The following BTNL9 variants were observed in gnomAD, a reference collection of about 807,000 sequenced individuals.
BTNL9 encodes butyrophilin like 9, also known as butyrophilin-like protein 9.
BTNL9 carries 45 observed loss-of-function variants against 45.8 expected under a neutral mutation model. The observed-to-expected ratio is 0.98, with a 90% CI of 0.77 to 1.26. BTNL9 has a LOEUF of 1.26. Among genes scored for constraint, BTNL9 ranks in the 50% most tolerant of loss-of-function variants. BTNL9 has a pLI of 0.00. For synonymous variants in BTNL9, 346 were observed against 330.8 expected, an observed-to-expected ratio of 1.05 and a Z score of -0.50; for missense variants, 784 against 729.7, an observed-to-expected ratio of 1.07 and a Z score of -0.86.
rs1351157414 is a variant in BTNL9 at position 181,059,463 on chromosome 5, C to G, written c.1209C>G (p.Ala403=). 4 of 1,442,386 alleles carry G rather than the reference C, an allele frequency of 2.8e-6. No individual in the cohort carries two copies. The highest frequency in any genetic ancestry group is 3.0e-5 in the African/African-American group (2 of 66,590). 89.3% of individuals were successfully genotyped at this position (1,442,386 alleles called of 1,614,324 possible). Residue 403 remains alanine (A), a synonymous_variant, in exon 11 of 11, where the codon GCC becomes GCG. Transcript: ENST00000327705. ...GCTGGTTCCTGGGCGCCTGCCTGGC[C>G]GCGGTGCCGCGCGCGGGGCCTGCGC... ...RSRWFLGACL[A]AVPRAGPARL... is the part of the protein sequence containing the mutation.
chr5:181,057,319 T>G (rs1761936070), intron 9 of BTNL9: 1 of 152,222 alleles, frequency 6.6e-6, no homozygotes, highest in South Asian at 2.1e-4. Flanking sequence ...ATTTGCATCT[T>G]TAATCCCTCT....
At chr5:181,044,297 G>A (rs1760968384) in intron 1 of BTNL9, among the ~76,000 whole-genome samples, 1 of 152,106 alleles carries the variant, frequency 6.6e-6, no homozygotes, top group Non-Finnish European at 1.5e-5. Context: ...AGTGCCCTGT[G>A]GCCACAGGAC....
Position 181,053,830 on chromosome 5 carries a change from A to G in BTNL9, c.886+329A>G. The G allele has an allele frequency of 1.3e-6, 2 of 1,513,506 alleles. No individual in the cohort carries two copies. The highest frequency in any genetic ancestry group is 8.8e-7 in the Non-Finnish European group (1 of 1,132,678). 93.8% of individuals were successfully genotyped at this position (1,513,506 alleles called of 1,614,324 possible). On this transcript the variant is annotated intron_variant, in intron 6 of 10. Transcript: ENST00000327705. The surrounding 1 kb of genome is among the most constrained non-coding windows in gnomAD (Gnocchi z 6.5). Reference sequence around the variant, plus strand: ...CTCTGCTGCCAGCGCCACCTCGTCCAGGTTTTCATAGCGCACAGGGAGTCG... The same window carrying G: ...CTCTGCTGCCAGCGCCACCTCGTCCGGGTTTTCATAGCGCACAGGGAGTCG...
rs758370894 is a variant in BTNL9 at position 181,053,531 on chromosome 5, C to T, written c.886+30C>T. 1.5e-5 allele frequency: 24 copies of T among 1,562,914 alleles called. 1 individual carries two copies. In the Admixed American group the frequency reaches 3.8e-4, roughly 25 times the overall value. On this transcript the variant is annotated intron_variant, in intron 6 of 10. Transcript: ENST00000327705. This position sits in a 1 kb window ranked among gnomAD's most constrained non-coding sequence, Gnocchi z 6.5. ...GCGGGGACAGGGCGTTCTGCACGCA[C>T]CTGCCCAAGTGCCAAAACCCGCCGT...
At chr5:181,059,051 C>T in intron 10 of BTNL9, 186 bp from the exon 11 acceptor site, 4 of 568,770 alleles carry the variant, frequency 7.0e-6, no homozygotes, top group Non-Finnish European at 8.9e-6. Flanking sequence ...CTATCAAACA[C>T]TCAGGAGTGA....
intron 2 of BTNL9, among the ~76,000 whole-genome samples, chr5:181,046,450 A>G (rs920747915): frequency 1.3e-5 from 2 of 152,194 alleles, no homozygotes; most frequent in African/African-American, 2.4e-5. Context: ...CCATTGATAT[A>G]CGTTTTTAAT....
In BTNL9 at chr5:181,056,236, G is replaced by A. The variant is rs760153548; in HGVS notation, c.955+221G>A. Among the ~76,000 whole-genome samples, 18 of 152,092 alleles carry A rather than the reference G, an allele frequency of 1.2e-4. No homozygotes were observed. In the East Asian group the frequency reaches 1.5e-3, roughly 13 times the overall value. On this transcript the variant is annotated intron_variant, in intron 9 of 10. Coordinates refer to ENST00000327705, the MANE Select transcript of BTNL9 (RefSeq NM_152547.5). ...CCTGGTTACATATCAGAGTTACCTC[G>A]ACTCCTGGTGCCCATCCTCCAAGAC...
In BTNL9 at chr5:181,053,251, T is replaced by G. The variant is rs778059508; in HGVS notation, c.788T>G (p.Leu263Arg). The change falls in exon 5 of 11, where the codon CTG (leucine) becomes CGG (arginine). Residue 263 changes from leucine (L) to arginine (R), a missense_variant. Leu to Arg is a moderately radical substitution (Grantham distance 102). Coordinates refer to ENST00000327705, the MANE Select transcript of BTNL9 (RefSeq NM_152547.5). This position sits in a 1 kb window ranked among gnomAD's most constrained non-coding sequence, Gnocchi z 6.5. ...SAWKSAFVAT[L>R]PLLLVLAALA... ...TGGAAGAGCGCGTTCGTCGCGACCC[T>G]GCCGCTGCTGTTGGTCCTCGCGGCG... The G allele has an allele frequency of 3.1e-6, 5 of 1,589,452 alleles. No individual in the cohort carries two copies. In the Admixed American group the frequency reaches 6.9e-5, roughly 22 times the overall value.
At position 181,059,522 on chromosome 5, in the gene BTNL9, G is replaced by A. The variant is rs1561989871; in HGVS notation, c.1268G>A (p.Gly423Glu). Residue 423 changes from glycine (G) to glutamate (E), a missense_variant, in exon 11 of 11, where the codon GGG (glycine) becomes GAG (glutamate). Physicochemically the swap from Gly to Glu is moderately conservative, Grantham distance 98 (BLOSUM62 -2). Transcript: ENST00000327705. ...LSPAAGYWVL[G>E]LWNGCEYFVL... The stretch of plus-strand genomic sequence containing the variant: ...CCTGCGGCCGGCTACTGGGTGCTGG[G>A]GCTGTGGAACGGCTGCGAGTACTTC... The A allele has an allele frequency of 6.2e-7, 1 of 1,604,624 alleles. No individual in the cohort carries two copies. The highest frequency in any genetic ancestry group is 1.1e-5 in the South Asian group (1 of 90,496).
At position 181,047,915 on chromosome 5, in the gene BTNL9, T is replaced by G. The variant is rs370160332; in HGVS notation, c.110-12T>G. On this transcript the variant is annotated splice_polypyrimidine_tract_variant and intron_variant, in intron 2 of 10. Transcript: ENST00000327705. ...GAGGGTTGCTTTTGCCTGTTCTGAC[T>G]TGTCATCCTAGAGGTCAAGGTGCTA... 2.5e-6 allele frequency: 4 copies of G among 1,606,758 alleles called. No homozygotes were observed. In the African/African-American group the frequency reaches 5.4e-5, roughly 22 times the overall value.
Position 181,059,657 on chromosome 5 carries a change from G to A in BTNL9, c.1403G>A (p.Gly468Asp), listed in dbSNP as rs775460934. ...GELSFFNVSD[G>D]SHIFTFHDTF... The stretch of plus-strand genomic sequence containing the variant: ...CTGTCCTTCTTCAACGTGTCCGACG[G>A]CTCCCACATCTTCACCTTCCACGAC... Residue 468 changes from glycine (G) to aspartate (D), a missense_variant, in exon 11 of 11, where the codon GGC becomes GAC. Transcript: ENST00000327705. The A allele has an allele frequency of 6.2e-7, 1 of 1,613,640 alleles. No individual in the cohort carries two copies. The highest frequency in any genetic ancestry group is 1.1e-5 in the South Asian group (1 of 91,080).
At chr5:181,052,640 G>C (rs1327020443) in intron 4 of BTNL9, 1 of 152,250 alleles carries the variant, frequency 6.6e-6, no homozygotes, top group Non-Finnish European at 1.5e-5. Flanking sequence ...CGCCGCTGGT[G>C]CTGTCGGCGC....
rs1239815586 is a variant in BTNL9 at position 181,053,020 on chromosome 5, C to CGCCCCCGCCCCCTCCGCG, written c.737-178_737-177insCCCCGCCCCCTCCGCGGC. 8.5e-5 allele frequency: 13 copies of CGCCCCCGCCCCCTCCGCG among 152,712 alleles called. No individual in the cohort carries two copies. The highest frequency in any genetic ancestry group is 7.2e-4 in the South Asian group (3 of 4,150). The allele number at this position is 152,712 out of a possible 1,614,324, so 9.5% of individuals were successfully genotyped here. ...CGGCGCGCCCCCGCCCCCTCCGCCGCGCGCGCCCCCGCCCCCTCCGCCGCG... is the reference window on the plus strand; with the variant it reads ...CGGCGCGCCCCCGCCCCCTCCGCCGCGCCCCCGCCCCCTCCGCGGCGCGCCCCCGCCCCCTCCGCCGCG... On this transcript the variant is annotated intron_variant, in intron 4 of 10. Coordinates refer to ENST00000327705, the MANE Select transcript of BTNL9 (RefSeq NM_152547.5). This position sits in a 1 kb window ranked among gnomAD's most constrained non-coding sequence, Gnocchi z 6.5.
Position 181,059,571 on chromosome 5 carries a change from G to T in BTNL9, c.1317G>T (p.Ala439=). 5.6e-6 allele frequency: 9 copies of T among 1,612,102 alleles called. No individual in the cohort carries two copies. The highest frequency in any genetic ancestry group is 7.6e-6 in the Non-Finnish European group (9 of 1,179,690). ...EYFVLAPHRV[A]LTLRVPPRRL... ...TCGTCCTGGCCCCGCACCGCGTCGC[G>T]CTCACCCTGCGCGTGCCCCCGCGGC... Residue 439 remains alanine, a synonymous_variant, in exon 11 of 11, where the codon GCG becomes GCT. Transcript: ENST00000327705.
Position 181,059,897 on chromosome 5 carries a change from G to C in BTNL9, c.*35G>C, listed in dbSNP as rs557438953. 1.1e-4 allele frequency: 161 copies of C among 1,489,922 alleles called. No individual in the cohort carries two copies. Among genetic ancestry groups the C allele is most frequent in the Non-Finnish European group, 1.4e-4 (153 of 1,120,234 alleles). 92.3% of individuals were successfully genotyped at this position (1,489,922 alleles called of 1,614,324 possible). A position where few individuals can be genotyped will look rare whatever the true frequency, so the allele number is the denominator to read the frequency against. On this transcript the variant is annotated 3_prime_UTR_variant, in exon 11 of 11. Transcript: ENST00000327705. ...GTGGCCGCGGGACTGGCCCCGGGGG[G>C]CCCCCTGGATCCCAGGCCAGCGCTT... is the stretch of plus-strand genomic sequence containing the variant.
At position 181,053,557 on chromosome 5, in the gene BTNL9, C is replaced by T. The variant is rs1761701682; in HGVS notation, c.886+56C>T. ...CTGCCCAAGTGCCAAAACCCGCCGT[C>T]ATCTAAAGGCTGTGGGTCCCGTTAC... On this transcript the variant is annotated intron_variant, in intron 6 of 10. Coordinates refer to ENST00000327705, the MANE Select transcript of BTNL9 (RefSeq NM_152547.5). The surrounding 1 kb of genome is among the most constrained non-coding windows in gnomAD (Gnocchi z 6.5). The T allele has an allele frequency of 6.4e-7, 1 of 1,553,476 alleles. No individual in the cohort carries two copies. Among genetic ancestry groups the T allele is most frequent in the Non-Finnish European group, 8.7e-7 (1 of 1,148,394 alleles).
chr5:181,048,283 G>A lies in BTNL9; in HGVS notation c.454+12G>A. On this transcript the variant is annotated intron_variant, in intron 3 of 10. Transcript: ENST00000327705. ...ACTGGAGGTAGCAGGTGCGTGGACT[G>A]ACCTAAGGCCCTGCAGAGGAGAGGG... The A allele has an allele frequency of 6.3e-7, 1 of 1,588,128 alleles. No individual in the cohort carries two copies. The highest frequency in any genetic ancestry group is 2.3e-5 in the East Asian group (1 of 44,378).
In BTNL9 at chr5:181,059,978, G is replaced by A; in HGVS notation, c.*116G>A. 1.0e-6 allele frequency: 1 copy of A among 956,820 alleles called. No homozygotes were observed. The highest frequency in any genetic ancestry group is 2.7e-5 in the East Asian group (1 of 37,706). 59.3% of individuals were successfully genotyped at this position (956,820 alleles called of 1,614,324 possible). ...TGCACCAGCCAAAATGTCAGCGAGGGGGACAAAGAGAGGGACCTTTGCCTA... is the reference window on the plus strand; with the variant it reads ...TGCACCAGCCAAAATGTCAGCGAGGAGGACAAAGAGAGGGACCTTTGCCTA... On this transcript the variant is annotated 3_prime_UTR_variant, in exon 11 of 11. Transcript: ENST00000327705.
In BTNL9 at chr5:181,040,366, C is replaced by G. The variant is rs1760714787; in HGVS notation, c.-90C>G. Reference sequence around the variant, plus strand: ...AAGACACTTTACAGCAATCATCACCCTTTGCAGAGGAGGTGAGCTCACCAG... The same window carrying G: ...AAGACACTTTACAGCAATCATCACCGTTTGCAGAGGAGGTGAGCTCACCAG... On this transcript the variant is annotated 5_prime_UTR_variant, in exon 1 of 11. Coordinates refer to ENST00000327705, the MANE Select transcript of BTNL9 (RefSeq NM_152547.5). The G allele has an allele frequency of 6.6e-6, 1 of 152,236 alleles. No homozygotes were observed. Among genetic ancestry groups the G allele is most frequent in the Non-Finnish European group, 1.5e-5 (1 of 68,074 alleles). The allele number at this position is 152,236 out of a possible 1,614,324, so 9.4% of individuals were successfully genotyped here. A position where few individuals can be genotyped will look rare whatever the true frequency, so the allele number is the denominator to read the frequency against.
Sources: gnomAD v4.1 joint callset for allele counts (sites outside exome capture counted in the v4.1 genomes callset) on GRCh38, gnomAD v4.1.1 for gene constraint, Gnocchi (gnomAD v3.1) non-coding constraint, MANE v1.5 for transcripts, NCBI Gene and HGNC (gene_info 2026-07-23, HGNC 2026-07-21) for gene names.